The following HTR1E variants were observed in gnomAD, a reference collection of about 807,000 sequenced individuals.
HTR1E encodes the protein 5-hydroxytryptamine receptor 1E, also known as 5-HT-1E.
A neutral mutation model predicts 3.4 loss-of-function variants in HTR1E; 3 were observed. The ratio of observed to expected loss-of-function variants is 0.89; its 90% CI spans 0.41 to 2.31. The LOEUF is 2.31. Among genes scored for constraint, HTR1E ranks in the 30% most tolerant of loss-of-function variants. HTR1E has a pLI of 0.05. For missense variants in HTR1E, 392 were observed against 467.0 expected (o/e 0.84, Z 1.48); for synonymous variants, 170 against 182.8 (o/e 0.93, Z 0.56).
intron 1 of HTR1E, among the ~76,000 whole-genome samples, chr6:86,990,545 T>C (rs929421095): frequency 1.3e-5 from 2 of 152,114 alleles, no homozygotes; most frequent in Admixed American, 6.6e-5. Flanking sequence ...CTGGAACAAC[T>C]TGAGCAATAA....
At chr6:86,980,180 G>A (rs1243336781) in intron 1 of HTR1E, among the ~76,000 whole-genome samples, 1 of 152,116 alleles carries the variant, frequency 6.6e-6, no homozygotes, top group Admixed American at 6.5e-5. Context: ...GAGGTCATGA[G>A]ATGGAGACCA....
At chr6:87,013,527 G>T (rs112690420) in intron 1 of HTR1E, among the ~76,000 whole-genome samples, 2,652 of 152,188 alleles carry the variant, frequency 0.017, 81 homozygotes, top group African/African-American at 0.059. Context: ...GGGATTACAG[G>T]TGTGAGCCAC....
At position 87,015,266 on chromosome 6, in the gene HTR1E, C is replaced by T. The variant is rs1768301163; in HGVS notation, c.-69C>T. The T allele has an allele frequency of 1.4e-6, 2 of 1,383,036 alleles. No individual in the cohort carries two copies. Among genetic ancestry groups the T allele is most frequent in the African/African-American group, 2.9e-5 (2 of 69,116 alleles). 85.7% of individuals were successfully genotyped at this position (1,383,036 alleles called of 1,614,324 possible). ...CCTTACAAGTGAGAAACCTTCGAGG[C>T]TACATAGTTTTCAGCCAAAGGAAAA... On this transcript the variant is annotated 5_prime_UTR_variant, in exon 2 of 2. Transcript: ENST00000305344.
intron 1 of HTR1E, among the ~76,000 whole-genome samples, chr6:86,940,850 C>T (rs1768535746): frequency 6.6e-6 from 1 of 152,202 alleles, no homozygotes; most frequent in Non-Finnish European, 1.5e-5. Flanking sequence ...TAGGAACTTA[C>T]TTTTTATGCC....
rs531542054 is a variant in HTR1E at position 86,976,289 on chromosome 6, T to C, written c.-186+38466T>C. Among the ~76,000 whole-genome samples the C allele has an allele frequency of 3.9e-5, 6 of 152,186 alleles. No individual in the cohort carries two copies. The East Asian group carries it at 1.2e-3, about 29-fold the overall frequency. On this transcript the variant is annotated intron_variant, in intron 1 of 1. Transcript: ENST00000305344. Reference sequence around the variant, plus strand: ...AAATGGGAGAAATGTGAAAAGAAAGTAGTGGGAGTGGCATTCAGGAGAGTC... The same window carrying C: ...AAATGGGAGAAATGTGAAAAGAAAGCAGTGGGAGTGGCATTCAGGAGAGTC...
Position 86,963,508 on chromosome 6 carries a change from G to A in HTR1E, c.-186+25685G>A, listed in dbSNP as rs1170908293. Among the ~76,000 whole-genome samples the A allele has an allele frequency of 2.6e-5, 4 of 152,304 alleles. No homozygotes were observed. The East Asian group carries it at 7.7e-4, about 29-fold the overall frequency. Reference sequence around the variant, plus strand: ...CAGTGTTTAGAAAGTCTACAGTAGTGTACAGTAATGTTCTAGGCCTTCATA... The same window carrying A: ...CAGTGTTTAGAAAGTCTACAGTAGTATACAGTAATGTTCTAGGCCTTCATA... On this transcript the variant is annotated intron_variant, in intron 1 of 1. Coordinates refer to ENST00000305344, the MANE Select transcript of HTR1E (RefSeq NM_000865.3).
chr6:86,997,798 A>G (rs1420417955), intron 1 of HTR1E, among the ~76,000 whole-genome samples: 1 of 151,820 alleles, frequency 6.6e-6, no homozygotes, highest in Non-Finnish European at 1.5e-5. Flanking sequence ...TAACAAGCAG[A>G]GGATGTCAGA....
chr6:87,007,119 T>C (rs1768123030), intron 1 of HTR1E, among the ~76,000 whole-genome samples: 1 of 152,234 alleles, frequency 6.6e-6, no homozygotes, highest in African/African-American at 2.4e-5. Flanking sequence ...AGTGCATATG[T>C]ACAATCAAGT....
chr6:86,962,899 C>T (rs1215157621), intron 1 of HTR1E, among the ~76,000 whole-genome samples: 1 of 152,012 alleles, frequency 6.6e-6, no homozygotes, highest in Non-Finnish European at 1.5e-5. Flanking sequence ...ATGTATAGTA[C>T]ATAATACGTG....
intron 1 of HTR1E, among the ~76,000 whole-genome samples, chr6:86,994,409 G>GA (rs959198721): frequency 7.9e-5 from 12 of 151,284 alleles, no homozygotes; most frequent in East Asian, 1.9e-4. Flanking sequence ...CCTATCAGGA[G>GA]AAAAAAAAAT....
At chr6:86,985,205 G>C (rs1212510554) in intron 1 of HTR1E, among the ~76,000 whole-genome samples, 1 of 152,104 alleles carries the variant, frequency 6.6e-6, no homozygotes, top group East Asian at 1.9e-4. Context: ...CCTGAGCAGT[G>C]CTGGGTTACC....
chr6:87,008,317 T>C (rs915006322), intron 1 of HTR1E, among the ~76,000 whole-genome samples: 2 of 152,138 alleles, frequency 1.3e-5, no homozygotes, highest in African/African-American at 4.8e-5. Flanking sequence ...AAAAGTATTT[T>C]CAAAGACTGA....
chr6:86,971,175 A>G, intron 1 of HTR1E: 1 of 479,034 alleles, frequency 2.1e-6, no homozygotes, highest in Non-Finnish European at 4.1e-6. Context: ...CAACAGGCCT[A>G]TTATGGGAAT....
chr6:86,968,271 ATAAT>A (rs554074690), intron 1 of HTR1E, among the ~76,000 whole-genome samples: 3 of 152,338 alleles, frequency 2.0e-5, no homozygotes, highest in African/African-American at 7.2e-5. Flanking sequence ...ATTACAAACA[ATAAT>A]TAAATAAGTA....
chr6:86,979,298 T>TG (rs1382386509), intron 1 of HTR1E, among the ~76,000 whole-genome samples: 1 of 152,212 alleles, frequency 6.6e-6, no homozygotes, highest in Non-Finnish European at 1.5e-5. Flanking sequence ...GAAACCATAA[T>TG]CATATGCAAA....
chr6:86,945,716 TTTTTG>T (rs1433816058), intron 1 of HTR1E, among the ~76,000 whole-genome samples: 1 of 151,940 alleles, frequency 6.6e-6, no homozygotes, highest in African/African-American at 2.4e-5. Context: ...GTTTGGGGGT[TTTTTG>T]TTTTGTTTTT....
chr6:86,940,758 G>T lies in HTR1E; in HGVS notation c.-186+2935G>T, dbSNP rs190761536. ...GATCAAATCTAACGCTCTAATGTGG[G>T]AAAGCATTCCCTCTATTTCTACAAG... is the stretch of plus-strand genomic sequence containing the variant. On this transcript the variant is annotated intron_variant, in intron 1 of 1. Transcript: ENST00000305344. Among the ~76,000 whole-genome samples, 3 of 152,018 alleles carry T rather than the reference G, an allele frequency of 2.0e-5. No homozygotes were observed. The East Asian group carries it at 5.8e-4, about 29-fold the overall frequency.
In HTR1E at chr6:87,015,763, C is replaced by T. The variant is rs1240617309; in HGVS notation, c.429C>T (p.Ile143=). The T allele has an allele frequency of 1.9e-6, 3 of 1,610,086 alleles. No homozygotes were observed. In the East Asian group the frequency reaches 6.7e-5, roughly 36 times the overall value. The change falls in exon 2 of 2, where the codon ATC becomes ATT. Residue 143 remains isoleucine (I), a synonymous_variant. Transcript: ENST00000305344. Reference sequence around the variant, plus strand: ...CGGCCAAGAGGGCCGCGCTGATGATCCTTACCGTCTGGACCATCTCCATTT... The same window carrying T: ...CGGCCAAGAGGGCCGCGCTGATGATTCTTACCGTCTGGACCATCTCCATTT... The part of the protein sequence containing the change: ...KRTAKRAALM[I]LTVWTISIFI...
chr6:86,937,875 C>T (rs1768492278), intron 1 of HTR1E, 52 bp downstream of exon 1: 2 of 152,820 alleles, frequency 1.3e-5, no homozygotes, highest in South Asian at 4.1e-4. Context: ...CTTACCCCCA[C>T]CCACTCCAGG....
Sources: gnomAD v4.1 joint callset for allele counts (sites outside exome capture counted in the v4.1 genomes callset) on GRCh38, gnomAD v4.1.1 for gene constraint, MANE v1.5 for transcripts, NCBI Gene and HGNC (gene_info 2026-07-23, HGNC 2026-07-21) for gene names.